The following HIRA variants were observed in gnomAD, a reference collection of about 807,000 sequenced individuals.
HIRA encodes the protein protein HIRA.
Under a neutral mutation model 126.6 loss-of-function variants are expected in HIRA, and 13 were observed. The observed-to-expected ratio is 0.10, with a 90% confidence interval of 0.07 to 0.16. HIRA has a LOEUF of 0.16. HIRA is among the 10% of genes least tolerant of loss of function. The pLI, the probability that HIRA is intolerant of heterozygous loss-of-function variation, is 1.00. For synonymous variants in HIRA, 511 were observed against 520.0 expected (o/e 0.98, Z 0.24); for missense variants, 834 against 1,314.4 (o/e 0.63, Z 5.65).
intron 24 of HIRA, among the ~76,000 whole-genome samples, chr22:19,341,106 A>T (rs1323325233): frequency 2.0e-5 from 3 of 152,170 alleles, no homozygotes; most frequent in Non-Finnish European, 2.9e-5. Flanking sequence ...ACTTGAGCCC[A>T]GGAGTTCGAA....
chr22:19,343,129 C>T (rs933096155), intron 24 of HIRA, among the ~76,000 whole-genome samples: 6 of 152,082 alleles, frequency 3.9e-5, no homozygotes, highest in African/African-American at 1.4e-4. Context: ...TAAAAGACTA[C>T]ACATTGGGTA....
intron 1 of HIRA, among the ~76,000 whole-genome samples, chr22:19,418,107 G>C (rs2089414187): frequency 6.6e-6 from 1 of 152,156 alleles, no homozygotes; most frequent in South Asian, 2.1e-4. Flanking sequence ...GGGAGTTGTT[G>C]CTTAATTGGT....
At chr22:19,411,800 A>G (rs2089355185) in intron 1 of HIRA, among the ~76,000 whole-genome samples, 1 of 152,196 alleles carries the variant, frequency 6.6e-6, no homozygotes, top group African/African-American at 2.4e-5. Flanking sequence ...CAGCCCTAGA[A>G]TCACTCAGCA....
chr22:19,409,852 C>G (rs1223556609), intron 2 of HIRA, among the ~76,000 whole-genome samples: 1 of 152,226 alleles, frequency 6.6e-6, no homozygotes, highest in Non-Finnish European at 1.5e-5. Flanking sequence ...GCTGCACCTC[C>G]TCCTCTCGGG....
chr22:19,357,550 G>A (rs1365477177), intron 18 of HIRA, among the ~76,000 whole-genome samples: 1 of 152,238 alleles, frequency 6.6e-6, no homozygotes, highest in Admixed American at 6.5e-5. Context: ...TCCCAAACAA[G>A]GAGTGCGTTA....
chr22:19,422,167 T>TACACACACACACACAC (rs1414193157), intron 1 of HIRA, among the ~76,000 whole-genome samples: 71 of 56,242 alleles, frequency 1.3e-3, no homozygotes, highest in African/African-American at 6.5e-3. Flanking sequence ...AATGTGTTTA[T>TACACACACACACACAC]ATATACACAC....
intron 14 of HIRA, among the ~76,000 whole-genome samples, chr22:19,376,257 C>T (rs1156277778): frequency 6.6e-6 from 1 of 152,198 alleles, no homozygotes; most frequent in African/African-American, 2.4e-5. Flanking sequence ...TCCTGAGCGG[C>T]CCCTCCCATA....
intron 24 of HIRA, among the ~76,000 whole-genome samples, chr22:19,342,050 C>G (rs2088634921): frequency 6.6e-6 from 1 of 152,140 alleles, no homozygotes; most frequent in Non-Finnish European, 1.5e-5. Flanking sequence ...GCAAACTATG[C>G]ATCTGACAAA....
At chr22:19,362,375 C>G (rs2088871929) in intron 15 of HIRA, among the ~76,000 whole-genome samples, 1 of 152,054 alleles carries the variant, frequency 6.6e-6, no homozygotes, top group Non-Finnish European at 1.5e-5. Flanking sequence ...TAAGTGGTAC[C>G]AATGTCATAG....
At chr22:19,358,201 T>C (rs920669050) in intron 18 of HIRA, among the ~76,000 whole-genome samples, 6 of 152,194 alleles carry the variant, frequency 3.9e-5, no homozygotes, top group Non-Finnish European at 5.9e-5. Flanking sequence ...GGTTTCAATA[T>C]GTTGGCCAGG....
At chr22:19,422,803 A>G (rs1378670033) in intron 1 of HIRA, among the ~76,000 whole-genome samples, 1 of 152,170 alleles carries the variant, frequency 6.6e-6, no homozygotes, top group Non-Finnish European at 1.5e-5. Flanking sequence ...GGCAGCCCCA[A>G]CAGCTCCCTG....
At chr22:19,412,500 T>C (rs2089362109) in intron 1 of HIRA, among the ~76,000 whole-genome samples, 1 of 152,260 alleles carries the variant, frequency 6.6e-6, no homozygotes, top group Non-Finnish European at 1.5e-5. Flanking sequence ...TAAGCCAGCT[T>C]GAGCTGGGCA....
In HIRA at chr22:19,394,327, TC is replaced by T. The variant is rs1420385335; in HGVS notation, c.822+14del. ...ATCTTGGAGCCCATCTCCCTTTAGT[TC>T]CCTGGGCACTCACCACGACAGTCAC... On this transcript the variant is annotated intron_variant, in intron 8 of 24. Coordinates refer to ENST00000263208, the MANE Select transcript of HIRA (RefSeq NM_003325.4). The T allele has an allele frequency of 6.2e-7, 1 of 1,613,370 alleles. No homozygotes were observed. The highest frequency in any genetic ancestry group is 1.1e-5 in the South Asian group (1 of 91,064).
intron 22 of HIRA, 152 bp downstream of exon 22, chr22:19,353,844 G>A (rs1167774687): frequency 9.9e-5 from 96 of 970,390 alleles, no homozygotes; most frequent in Middle Eastern, 6.7e-4. Flanking sequence ...CCCCTAGTCC[G>A]TCCTGCCCAG....
At chr22:19,410,874 G>A in intron 1 of HIRA, 96 bp from the exon 2 acceptor site, 1 of 974,484 alleles carries the variant, frequency 1.0e-6, no homozygotes, top group Non-Finnish European at 1.6e-6. Context: ...TAAACTGCTA[G>A]AAGATTCTCC....
chr22:19,346,532 T>C (rs782523455), intron 24 of HIRA, among the ~76,000 whole-genome samples: 1 of 152,246 alleles, frequency 6.6e-6, no homozygotes, highest in Non-Finnish European at 1.5e-5. Context: ...GGATTGGCTA[T>C]GTCTACGTCT....
Position 19,331,356 on chromosome 22 carries a change from G to T in HIRA, c.*84C>A, listed in dbSNP as rs2088483400. The T allele has an allele frequency of 8.1e-6, 13 of 1,604,078 alleles. No homozygotes were observed. The highest frequency in any genetic ancestry group is 1.1e-5 in the Non-Finnish European group (13 of 1,178,894). On this transcript the variant is annotated 3_prime_UTR_variant, in exon 25 of 25. Coordinates refer to ENST00000263208, the MANE Select transcript of HIRA (RefSeq NM_003325.4). ...CCAGTGTCTCCTCCCCCTACAGCCT[G>T]GTCAGGTGAGAGGCGGTCCTGCATG...
At chr22:19,378,912 C>T (rs1030002327) in intron 13 of HIRA, among the ~76,000 whole-genome samples, 3 of 152,176 alleles carry the variant, frequency 2.0e-5, no homozygotes, top group Admixed American at 6.5e-5. Context: ...TGTATGAGAG[C>T]GCCTATTTCT....
intron 14 of HIRA, among the ~76,000 whole-genome samples, chr22:19,376,174 G>C (rs1019697808): frequency 6.6e-6 from 1 of 152,070 alleles, no homozygotes; most frequent in African/African-American, 2.4e-5. Flanking sequence ...TTGACAATGA[G>C]TCTCATGAGA....
Sources: gnomAD v4.1 joint callset for allele counts (sites outside exome capture counted in the v4.1 genomes callset) on GRCh38, gnomAD v4.1.1 for gene constraint, MANE v1.5 for transcripts, NCBI Gene and HGNC (gene_info 2026-07-23, HGNC 2026-07-21) for gene names.